The following FAAP20 variants were observed in gnomAD, a reference collection of about 807,000 sequenced individuals.
The protein encoded by FAAP20 is FA core complex associated protein 20, also known as Fanconi anemia core complex-associated protein 20.
A neutral mutation model predicts 16.2 loss-of-function variants in FAAP20; 12 were observed. That is an observed-to-expected ratio of 0.74 (90% confidence interval 0.48 to 1.20). The LOEUF is 1.20. Among genes scored for constraint, FAAP20 ranks in the 50% most tolerant of loss-of-function variants. FAAP20 has a pLI of 0.00. For synonymous variants in FAAP20, 141 were observed against 110.7 expected, an observed-to-expected ratio of 1.27 and a Z score of -1.72; for missense variants, 288 against 245.8, an observed-to-expected ratio of 1.17 and a Z score of -1.15.
At chr1:2,190,007 G>C (rs941418935) in intron 3 of FAAP20, 1 of 611,576 alleles carries the variant, frequency 1.6e-6, no homozygotes, top group African/African-American at 1.8e-5. Context: ...AGGCCCCTGC[G>C]TCCGAGCTGG....
At chr1:2,185,589 T>G, downstream of FAAP20, 1 of 697,526 alleles carries the variant, frequency 1.4e-6, no homozygotes, top group South Asian at 1.5e-5. Context: ...CTGCAGAGTG[T>G]GTCCCAGCCG....
chr1:2,197,411 G>A (rs567937025), upstream of FAAP20, among the ~76,000 whole-genome samples: 7 of 152,344 alleles, frequency 4.6e-5, no homozygotes, highest in African/African-American at 1.4e-4. Context: ...CTGCCCGGCT[G>A]GCGCAGGCTG....
chr1:2,211,980 G>A (rs1407198191), downstream of FAAP20, among the ~76,000 whole-genome samples: 1 of 141,472 alleles, frequency 7.1e-6, no homozygotes, highest in Non-Finnish European at 1.5e-5. Context: ...TCGGCTCACT[G>A]CAAGCTCCAC....
At chr1:2,202,400 G>A (rs1332692715), upstream of FAAP20, among the ~76,000 whole-genome samples, 2 of 151,696 alleles carry the variant, frequency 1.3e-5, no homozygotes, top group East Asian at 3.9e-4. Flanking sequence ...GTGCAGTGGC[G>A]AAATCTCGAT....
upstream of FAAP20, chr1:2,199,617 G>A (rs893348147): frequency 1.8e-5 from 18 of 985,778 alleles, no homozygotes; most frequent in African/African-American, 5.2e-5. This position sits in a 1 kb window ranked among gnomAD's most constrained non-coding sequence, Gnocchi z 4.5. Context: ...AAACCAAGCT[G>A]GAGGAGCACT....
downstream of FAAP20, among the ~76,000 whole-genome samples, chr1:2,210,598 C>T (rs1275839339): frequency 6.6e-6 from 1 of 152,200 alleles, no homozygotes; most frequent in Non-Finnish European, 1.5e-5. Context: ...CTCGGGGCTC[C>T]TCCTGCCCTC....
chr1:2,185,102 G>A (rs1687380410), downstream of FAAP20: 10 of 1,278,332 alleles, frequency 7.8e-6, no homozygotes, highest in Middle Eastern at 3.7e-4. Context: ...GCACGGCTCC[G>A]AGGGCGGCCA....
downstream of FAAP20, chr1:2,184,717 G>C (rs775528318): frequency 1.9e-5 from 30 of 1,602,546 alleles, no homozygotes; most frequent in Non-Finnish European, 2.5e-5. Context: ...CACTGGGTGC[G>C]GGTCCCTGGA....
At chr1:2,192,309 G>C (rs1206739902) in intron 3 of FAAP20, 2 of 986,574 alleles carry the variant, frequency 2.0e-6, no homozygotes, top group African/African-American at 1.7e-5. Context: ...TCTCCCTTAC[G>C]ATCAAGTGTT....
At chr1:2,205,776 C>T (rs912217308) in intron 3 of FAAP20, among the ~76,000 whole-genome samples, 1 of 152,386 alleles carries the variant, frequency 6.6e-6, no homozygotes, top group East Asian at 1.9e-4. Context: ...CCGCCCTCCT[C>T]CCATGTGCGC....
rs1343120079 is a variant in FAAP20, at chr1:2,189,728, G to C, written c.524C>G (p.Thr175Arg). Residue 175 changes from threonine to arginine, a missense_variant, in exon 4 of 4, where the codon ACA becomes AGA. Transcript: ENST00000378546. ...TGGCGCTCACCACGTCACGTCTTCT[G>C]TGCTTTCGGCCAAGCACTGGGCCAG... Reference protein sequence around the residue: ...SHLAQCLAESTEDVTW With the variant: ...SHLAQCLAESREDVTW 3 of 1,610,934 alleles carry C rather than the reference G, an allele frequency of 1.9e-6. No homozygotes were observed. The highest frequency in any genetic ancestry group is 2.2e-5 in the East Asian group (1 of 44,870).
intron 3 of FAAP20, 21 bp downstream of exon 3, chr1:2,193,618 G>T: frequency 4.4e-6 from 7 of 1,586,778 alleles, no homozygotes; most frequent in Non-Finnish European, 6.0e-6. Flanking sequence ...ACCGGGCCGG[G>T]CGCAGGGGTG....
At chr1:2,206,080 G>A (rs940723545) in intron 3 of FAAP20, among the ~76,000 whole-genome samples, 2 of 152,266 alleles carry the variant, frequency 1.3e-5, no homozygotes. Flanking sequence ...GGCCACTCTA[G>A]CATGGGAGGG....
intron 3 of FAAP20, chr1:2,192,052 C>T (rs746977216): frequency 1.6e-5 from 16 of 985,574 alleles, no homozygotes; most frequent in Non-Finnish European, 1.9e-5. Flanking sequence ...CCCGCCTCTG[C>T]CAGGGCTCCA....
At chr1:2,189,116 GC>G (rs1687872179), downstream of FAAP20, among the ~76,000 whole-genome samples, 1 of 151,928 alleles carries the variant, frequency 6.6e-6, no homozygotes, top group Admixed American at 6.6e-5. Flanking sequence ...GATCGCTTGG[GC>G]CTAGGAGTTC....
At chr1:2,192,366 T>G (rs1390158088) in intron 3 of FAAP20, 1 of 995,110 alleles carries the variant, frequency 1.0e-6, no homozygotes, top group Non-Finnish European at 1.2e-6. Flanking sequence ...TGGACCTGAC[T>G]TCATTGACGC....
chr1:2,194,625 G>T, intron 1 of FAAP20, 63 bp downstream of exon 1: 1 of 957,872 alleles, frequency 1.0e-6, no homozygotes, highest in Non-Finnish European at 1.3e-6. Context: ...GGCCCGCGGG[G>T]GCGCCGGGAA....
At chr1:2,192,400 T>C (rs1688332815) in intron 3 of FAAP20, 2 of 994,360 alleles carry the variant, frequency 2.0e-6, no homozygotes, top group South Asian at 4.5e-5. Context: ...ATTGAGGCAG[T>C]CTGCCAAGCT....
upstream of FAAP20, chr1:2,198,986 C>T (rs1179928854): frequency 3.1e-6 from 4 of 1,285,224 alleles, no homozygotes; most frequent in South Asian, 5.0e-5. Flanking sequence ...CGGGCCCACA[C>T]ATGGGGTGCA....
Sources: gnomAD v4.1 joint callset for allele counts (sites outside exome capture counted in the v4.1 genomes callset) on GRCh38, gnomAD v4.1.1 for gene constraint, Gnocchi (gnomAD v3.1) non-coding constraint, MANE v1.5 for transcripts, NCBI Gene and HGNC (gene_info 2026-07-23, HGNC 2026-07-21) for gene names.